DGKB: variants seen among roughly 807,000 people sequenced by gnomAD.
The protein encoded by DGKB is 90 kDa diacylglycerol kinase.
A neutral mutation model predicts 114.3 loss-of-function variants in DGKB; 67 were observed. The ratio of observed to expected loss-of-function variants is 0.59; its 90% CI spans 0.48 to 0.72. DGKB has a LOEUF of 0.72. Ranked by LOEUF, DGKB falls within the 30% of genes least tolerant of loss-of-function variation. DGKB has a pLI of 0.00. For missense variants in DGKB, 907 were observed against 975.2 expected (o/e 0.93, Z 0.93); for synonymous variants, 398 against 323.1 (o/e 1.23, Z -2.49).
At chr7:14,756,357 ATT>A (rs1040729959) in intron 3 of DGKB, among the ~76,000 whole-genome samples, 1 of 151,072 alleles carries the variant, frequency 6.6e-6, no homozygotes, top group African/African-American at 2.4e-5. Flanking sequence ...TTAGCTGCTA[ATT>A]TTTTTTTCCT....
intron 23 of DGKB, among the ~76,000 whole-genome samples, chr7:14,319,055 C>T (rs1272928027): frequency 6.7e-6 from 1 of 150,186 alleles, no homozygotes; most frequent in Non-Finnish European, 1.5e-5. Flanking sequence ...CCAAACACTG[C>T]ATATGCTCAC....
At chr7:14,825,032 A>ATATATC (rs1845492375) in intron 2 of DGKB, among the ~76,000 whole-genome samples, 2 of 139,462 alleles carry the variant, frequency 1.4e-5, no homozygotes, top group African/African-American at 5.3e-5. Flanking sequence ...ATATATATAT[A>ATATATC]TATATATATA....
At chr7:14,175,043 A>G (rs1258949800) in intron 25 of DGKB, among the ~76,000 whole-genome samples, 1 of 152,242 alleles carries the variant, frequency 6.6e-6, no homozygotes, top group Non-Finnish European at 1.5e-5. Context: ...TACAAAGGTA[A>G]AATGAAAAAT....
At chr7:14,956,932 C>T (rs1209314834) in intron 1 of DGKB, among the ~76,000 whole-genome samples, 1 of 151,786 alleles carries the variant, frequency 6.6e-6, no homozygotes, top group East Asian at 1.9e-4. Context: ...TGCTACCTCC[C>T]GGCTTCCTCC....
chr7:14,851,500 T>C (rs544953542), intron 1 of DGKB, among the ~76,000 whole-genome samples: 1 of 152,178 alleles, frequency 6.6e-6, no homozygotes, highest in Non-Finnish European at 1.5e-5. Context: ...TATGAAATAA[T>C]GTAAAATGCT....
chr7:14,614,598 C>A (rs977688277), intron 15 of DGKB, among the ~76,000 whole-genome samples: 1 of 151,986 alleles, frequency 6.6e-6, no homozygotes, highest in African/African-American at 2.4e-5. Flanking sequence ...TCCTGTTTAA[C>A]AATATAAGTT....
At chr7:14,417,162 AT>A (rs1205717811) in intron 21 of DGKB, among the ~76,000 whole-genome samples, 1 of 152,064 alleles carries the variant, frequency 6.6e-6, no homozygotes, top group Non-Finnish European at 1.5e-5. Context: ...GGTTTCCATA[AT>A]GATTAGGTGT....
intron 21 of DGKB, among the ~76,000 whole-genome samples, chr7:14,400,739 G>A (rs1263806139): frequency 8.3e-6 from 1 of 120,836 alleles, no homozygotes; most frequent in African/African-American, 2.9e-5. Flanking sequence ...TATCATGTTT[G>A]TTTCTTGTGT....
At chr7:14,932,349 T>C (rs935074289) in intron 1 of DGKB, among the ~76,000 whole-genome samples, 1 of 152,164 alleles carries the variant, frequency 6.6e-6, no homozygotes, top group African/African-American at 2.4e-5. Context: ...TGATAATGTA[T>C]TGAAAGTGTG....
intron 20 of DGKB, among the ~76,000 whole-genome samples, chr7:14,516,474 A>C (rs1179195897): frequency 6.6e-6 from 1 of 152,170 alleles, no homozygotes; most frequent in Non-Finnish European, 1.5e-5. Context: ...AGCCATTCAC[A>C]TAGTAAAGAT....
At chr7:14,244,755 C>T (rs909106446) in intron 23 of DGKB, among the ~76,000 whole-genome samples, 15 of 151,210 alleles carry the variant, frequency 9.9e-5, no homozygotes, top group Admixed American at 5.3e-4. Flanking sequence ...TGACTGGTCC[C>T]TTTCCAGAGA....
At chr7:14,387,411 CAAAAAA>C (rs34477734) in intron 21 of DGKB, among the ~76,000 whole-genome samples, 4 of 102,402 alleles carry the variant, frequency 3.9e-5, no homozygotes, top group African/African-American at 3.9e-5. Context: ...GACTCCATCT[CAAAAAA>C]AAAAAAAAAA....
intron 20 of DGKB, among the ~76,000 whole-genome samples, chr7:14,512,526 T>G (rs1251632036): frequency 6.6e-6 from 1 of 152,166 alleles, no homozygotes; most frequent in African/African-American, 2.4e-5. Context: ...TTCTATAATC[T>G]CTTCCTGACA....
chr7:14,578,978 C>T (rs936505042), intron 19 of DGKB, among the ~76,000 whole-genome samples: 2 of 152,278 alleles, frequency 1.3e-5, no homozygotes, highest in African/African-American at 4.8e-5. Flanking sequence ...ACCCCACCTG[C>T]ATTCCTTCCT....
chr7:14,931,573 T>C (rs1005070397), intron 1 of DGKB, among the ~76,000 whole-genome samples: 1 of 152,136 alleles, frequency 6.6e-6, no homozygotes, highest in African/African-American at 2.4e-5. Context: ...GAAGTGACCA[T>C]TGCTGTGCTG....
intron 1 of DGKB, among the ~76,000 whole-genome samples, chr7:14,846,743 T>C (rs1848671735): frequency 6.6e-6 from 1 of 152,226 alleles, no homozygotes; most frequent in Non-Finnish European, 1.5e-5. Flanking sequence ...CTTTGCTTAG[T>C]TTGTAGCAGG....
intron 13 of DGKB, among the ~76,000 whole-genome samples, chr7:14,630,658 A>G (rs1239246284): frequency 6.6e-6 from 1 of 152,038 alleles, no homozygotes; most frequent in African/African-American, 2.4e-5. Flanking sequence ...CTTTCCTAAA[A>G]ATACTGTGTC....
At chr7:14,911,620 T>C (rs997656695) in intron 1 of DGKB, among the ~76,000 whole-genome samples, 1 of 152,168 alleles carries the variant, frequency 6.6e-6, no homozygotes, top group South Asian at 2.1e-4. Context: ...TCTTTTTCTG[T>C]GTTTCCCTTT....
chr7:14,670,330 TCTCACTCTGTCA>T (rs1227027839), intron 13 of DGKB, among the ~76,000 whole-genome samples: 6 of 150,820 alleles, frequency 4.0e-5, no homozygotes, highest in African/African-American at 1.2e-4. Flanking sequence ...TGAGACAGAG[TCTCACTCTGTCA>T]CTCAGTCTGG....
Sources: allele counts gnomAD v4.1 joint callset (sites outside exome capture counted in the v4.1 genomes callset), GRCh38; gene constraint gnomAD v4.1.1; transcripts MANE v1.5; gene names NCBI Gene and HGNC (gene_info 2026-07-23, HGNC 2026-07-21).